ALK: variants seen among roughly 807,000 people sequenced by gnomAD.
The protein encoded by ALK is ALK receptor tyrosine kinase.
In ALK, 74 loss-of-function variants were observed where a neutral mutation model predicts 163.1. The ratio of observed to expected loss-of-function variants is 0.45; its 90% CI spans 0.38 to 0.55. ALK has a LOEUF of 0.55. Ranked by LOEUF, ALK falls within the 20% of genes least tolerant of loss-of-function variation. ALK has a pLI of 0.00. For missense variants in ALK, 2,063 were observed against 2,105.3 expected, an observed-to-expected ratio of 0.98 and a Z score of 0.39; for synonymous variants, 960 against 843.2, an observed-to-expected ratio of 1.14 and a Z score of -2.40.
chr2:29,309,026 C>G (rs771677482), intron 8 of ALK, among the ~76,000 whole-genome samples: 24 of 152,190 alleles, frequency 1.6e-4, no homozygotes, highest in Non-Finnish European at 3.1e-4. Flanking sequence ...GGGCAAACGG[C>G]CTCCTCTGTG....
chr2:29,311,758 C>G (rs979957568), intron 8 of ALK, among the ~76,000 whole-genome samples: 2 of 152,032 alleles, frequency 1.3e-5, no homozygotes, highest in African/African-American at 2.4e-5. Context: ...TGAGCCTTCT[C>G]TCATTTATAA....
chr2:29,218,742 G>A (rs542856745), intron 23 of ALK, among the ~76,000 whole-genome samples: 27 of 152,366 alleles, frequency 1.8e-4, no homozygotes, highest in African/African-American at 6.5e-4. Flanking sequence ...TCCAGTGGGA[G>A]AACCAGGGCT....
intron 4 of ALK, among the ~76,000 whole-genome samples, chr2:29,453,472 G>A (rs1452684217): frequency 2.0e-5 from 3 of 152,028 alleles, no homozygotes; most frequent in Non-Finnish European, 1.5e-5. Flanking sequence ...CTAAACTCAA[G>A]CAGTCCTCCT....
chr2:29,268,338 C>T (rs1358121505), intron 11 of ALK, among the ~76,000 whole-genome samples: 1 of 152,218 alleles, frequency 6.6e-6, no homozygotes, highest in African/African-American at 2.4e-5. Flanking sequence ...ATTTGCAATG[C>T]ACCATCTAGG....
chr2:29,222,926 G>A (rs1669846043), intron 20 of ALK, among the ~76,000 whole-genome samples: 1 of 152,172 alleles, frequency 6.6e-6, no homozygotes. Context: ...TTTTCCCCGG[G>A]GGAGGTTCAT....
intron 5 of ALK, among the ~76,000 whole-genome samples, chr2:29,329,245 C>T (rs1667368121): frequency 6.6e-6 from 1 of 152,218 alleles, no homozygotes; most frequent in Non-Finnish European, 1.5e-5. Context: ...AAGAACAATG[C>T]ATTTTGATAA....
chr2:29,218,521 C>T (rs865993262), intron 23 of ALK, among the ~76,000 whole-genome samples: 58 of 152,120 alleles, frequency 3.8e-4, no homozygotes, highest in African/African-American at 1.2e-3. Context: ...CATCTTTCAT[C>T]ATCAAAGGAG....
intron 3 of ALK, among the ~76,000 whole-genome samples, chr2:29,598,831 G>A: frequency 6.6e-6 from 1 of 152,020 alleles, no homozygotes; most frequent in East Asian, 1.9e-4. Context: ...GGCATGAATT[G>A]CTTTTATGAC....
chr2:29,397,332 G>T (rs1368700548), intron 4 of ALK, among the ~76,000 whole-genome samples: 1 of 152,138 alleles, frequency 6.6e-6, no homozygotes, highest in Non-Finnish European at 1.5e-5. Context: ...ACCAAGGAAT[G>T]CCAAAGATTG....
At chr2:29,383,319 G>C (rs1309170160) in intron 5 of ALK, among the ~76,000 whole-genome samples, 1 of 151,702 alleles carries the variant, frequency 6.6e-6, no homozygotes, top group Non-Finnish European at 1.5e-5. Flanking sequence ...AAACACTCTA[G>C]ACTTTTTTTT....
chr2:29,722,226 T>C (rs960915160), intron 1 of ALK, among the ~76,000 whole-genome samples: 4 of 152,220 alleles, frequency 2.6e-5, no homozygotes, highest in African/African-American at 9.6e-5. Flanking sequence ...GGAACTGTCA[T>C]GGCTGAGTAT....
chr2:29,408,992 T>G (rs1488613902), intron 4 of ALK, among the ~76,000 whole-genome samples: 1 of 152,222 alleles, frequency 6.6e-6, no homozygotes. Flanking sequence ...CTTTCATATC[T>G]CAATCCACAC....
chr2:29,866,976 T>C (rs1430372981), intron 1 of ALK, among the ~76,000 whole-genome samples: 1 of 152,210 alleles, frequency 6.6e-6, no homozygotes, highest in Non-Finnish European at 1.5e-5. Flanking sequence ...TTTTAACCTT[T>C]TGGCTGAAAT....
intron 4 of ALK, among the ~76,000 whole-genome samples, chr2:29,491,039 T>G (rs902138846): frequency 7.9e-5 from 12 of 152,236 alleles, no homozygotes; most frequent in African/African-American, 2.7e-4. Flanking sequence ...CCATCCATGT[T>G]CATAGGCCCC....
intron 1 of ALK, among the ~76,000 whole-genome samples, chr2:29,873,651 A>C (rs1666632344): frequency 6.6e-6 from 1 of 152,134 alleles, no homozygotes; most frequent in African/African-American, 2.4e-5. Context: ...GAGCATCTGG[A>C]GTCAAAGTCA....
intron 3 of ALK, among the ~76,000 whole-genome samples, chr2:29,539,451 T>C (rs1673353943): frequency 1.3e-5 from 2 of 152,130 alleles, no homozygotes; most frequent in African/African-American, 4.8e-5. Context: ...GCCAGTTGTG[T>C]CTTTAAGTAT....
At chr2:29,583,253 T>C (rs1230150936) in intron 3 of ALK, among the ~76,000 whole-genome samples, 1 of 152,148 alleles carries the variant, frequency 6.6e-6, no homozygotes, top group Admixed American at 6.5e-5. Context: ...TACATAATAT[T>C]ACTGTAAAAC....
intron 4 of ALK, among the ~76,000 whole-genome samples, chr2:29,416,407 G>T (rs773101663): frequency 7.9e-5 from 12 of 152,210 alleles, no homozygotes; most frequent in Non-Finnish European, 1.8e-4. Flanking sequence ...CATGATTTCA[G>T]ATATCATGAA....
rs537725879 is a variant in ALK at position 29,583,110 on chromosome 2, C to T, written c.953-50994G>A. Among the ~76,000 whole-genome samples the T allele has an allele frequency of 2.4e-3, 368 of 150,626 alleles. 3 individuals are homozygous for T. Among genetic ancestry groups the T allele is most frequent in the Middle Eastern group, 7.1e-3 (2 of 282 alleles). ...GCCAGGCTGGTCTCAAACTCCTAAC[C>T]TCAGGTGATCCACCTGCCTCAGCCT... On this transcript the variant is annotated intron_variant, in intron 3 of 28. Transcript: ENST00000389048.
Sources: gnomAD v4.1 joint callset for allele counts (sites outside exome capture counted in the v4.1 genomes callset) on GRCh38, gnomAD v4.1.1 for gene constraint, MANE v1.5 for transcripts, NCBI Gene and HGNC (gene_info 2026-07-23, HGNC 2026-07-21) for gene names.